TMEM132C: variants seen among roughly 807,000 people sequenced by gnomAD.
TMEM132C encodes the protein protein phosphatase 1, regulatory subunit 152.
In TMEM132C, 29 loss-of-function variants were observed where a neutral mutation model predicts 61.4. That is an observed-to-expected ratio of 0.47 (90% CI 0.35 to 0.64). The LOEUF is 0.64. TMEM132C is among the 30% of genes least tolerant of loss of function. The pLI is 0.00. For missense variants in TMEM132C, 1,408 were observed against 1,476.9 expected (o/e 0.95, Z 0.76); for synonymous variants, 656 against 633.1 (o/e 1.04, Z -0.54).
chr12:128,478,620 G>A (rs758316278), intron 2 of TMEM132C, among the ~76,000 whole-genome samples: 2 of 152,160 alleles, frequency 1.3e-5, no homozygotes, highest in Non-Finnish European at 2.9e-5. Flanking sequence ...CTTTTAAGAT[G>A]ACACCTGTCC....
intron 3 of TMEM132C, among the ~76,000 whole-genome samples, chr12:128,575,760 G>T (rs1016944748): frequency 7.2e-5 from 11 of 152,202 alleles, no homozygotes; most frequent in African/African-American, 2.4e-4. Context: ...TTGTAAAATA[G>T]GTCAAGGACG....
intron 4 of TMEM132C, among the ~76,000 whole-genome samples, chr12:128,645,871 TGA>T (rs1258199038): frequency 8.6e-5 from 13 of 151,438 alleles, no homozygotes; most frequent in Non-Finnish European, 1.6e-4. Context: ...GTGCTGGATG[TGA>T]GTGTGTTTAC....
At chr12:128,505,648 C>T (rs1471918282) in intron 2 of TMEM132C, among the ~76,000 whole-genome samples, 3 of 152,192 alleles carry the variant, frequency 2.0e-5, no homozygotes, top group African/African-American at 7.2e-5. Context: ...CCTCAATAGC[C>T]ATTGCCCATT....
chr12:128,664,050 GGGCACTCACA>G (rs1179669628), intron 4 of TMEM132C, among the ~76,000 whole-genome samples: 1 of 50,472 alleles, frequency 2.0e-5, no homozygotes, highest in Non-Finnish European at 3.9e-5. Flanking sequence ...GCACGCACGC[GGGCACTCACA>G]GGCACACACA....
At chr12:128,675,101 C>T (rs1954570782) in intron 5 of TMEM132C, among the ~76,000 whole-genome samples, 2 of 152,024 alleles carry the variant, frequency 1.3e-5, no homozygotes, top group Admixed American at 1.3e-4. Context: ...TCATTCTTTC[C>T]TTCTTTGTTT....
chr12:128,460,779 C>T (rs1870505985), intron 2 of TMEM132C, among the ~76,000 whole-genome samples: 1 of 152,246 alleles, frequency 6.6e-6, no homozygotes, highest in East Asian at 1.9e-4. Flanking sequence ...CGCAGGACTC[C>T]ACTCTTGGCA....
chr12:128,517,520 C>T (rs114947161), intron 2 of TMEM132C, among the ~76,000 whole-genome samples: 1,965 of 152,066 alleles, frequency 0.013, 41 homozygotes, highest in African/African-American at 0.045. Context: ...TGAAATGCAT[C>T]CAAAAATAAG....
At chr12:128,632,062 A>G (rs1954069290) in intron 4 of TMEM132C, among the ~76,000 whole-genome samples, 1 of 152,160 alleles carries the variant, frequency 6.6e-6, no homozygotes, top group Non-Finnish European at 1.5e-5. Flanking sequence ...GACACCCCAG[A>G]TCTGGCTGCT....
intron 3 of TMEM132C, among the ~76,000 whole-genome samples, chr12:128,600,583 TG>T (rs1208360185): frequency 6.6e-6 from 1 of 152,190 alleles, no homozygotes. Flanking sequence ...CCTTTGCAGC[TG>T]GGCACCACAG....
intron 2 of TMEM132C, among the ~76,000 whole-genome samples, chr12:128,462,293 G>A (rs959054968): frequency 6.6e-6 from 1 of 152,080 alleles, no homozygotes; most frequent in African/African-American, 2.4e-5. Flanking sequence ...TTTTAGTAGA[G>A]ACGGGATTTC....
chr12:128,423,435 AGGATGAAG>A (rs1289327798), intron 2 of TMEM132C, among the ~76,000 whole-genome samples: 1 of 152,244 alleles, frequency 6.6e-6, no homozygotes, highest in Non-Finnish European at 1.5e-5. Context: ...ATAAACAAAC[AGGATGAAG>A]GGTGGACACA....
intron 2 of TMEM132C, among the ~76,000 whole-genome samples, chr12:128,428,157 G>A (rs885186): frequency 0.41 from 62,595 of 152,020 alleles, 13,578 homozygotes; most frequent in South Asian, 0.52. Context: ...TGAGGAAACC[G>A]AAGGCCTGAG....
At chr12:128,447,585 A>G (rs1008456764) in intron 2 of TMEM132C, among the ~76,000 whole-genome samples, 5 of 151,984 alleles carry the variant, frequency 3.3e-5, no homozygotes, top group African/African-American at 9.7e-5. Flanking sequence ...AAATACTCCC[A>G]CTATGATTAA....
chr12:128,494,631 G>A (rs1272085853), intron 2 of TMEM132C, among the ~76,000 whole-genome samples: 2 of 152,154 alleles, frequency 1.3e-5, no homozygotes, highest in Non-Finnish European at 2.9e-5. Context: ...TAGTTTATTT[G>A]TGTGGAGCTA....
At chr12:128,626,157 C>T (rs545535143) in intron 4 of TMEM132C, among the ~76,000 whole-genome samples, 9 of 149,958 alleles carry the variant, frequency 6.0e-5, no homozygotes, top group South Asian at 2.1e-4. Context: ...GACAGAGTCT[C>T]GCTCTGTTAC....
intron 3 of TMEM132C, among the ~76,000 whole-genome samples, chr12:128,558,660 C>T (rs950854835): frequency 6.6e-6 from 1 of 152,248 alleles, no homozygotes; most frequent in Non-Finnish European, 1.5e-5. Context: ...GACTTTGATC[C>T]ACTCCAAATT....
chr12:128,392,922 C>A (rs892195912), intron 1 of TMEM132C, among the ~76,000 whole-genome samples: 3 of 152,184 alleles, frequency 2.0e-5, no homozygotes, highest in Admixed American at 6.5e-5. Context: ...TTGATTGATA[C>A]GTTTCTCTAG....
chr12:128,318,646 A>AT (rs1046325712), intron 1 of TMEM132C, among the ~76,000 whole-genome samples: 1 of 152,154 alleles, frequency 6.6e-6, no homozygotes, highest in African/African-American at 2.4e-5. Context: ...ATTGCATGCC[A>AT]TTTTTTACTA....
chr12:128,405,440 G>A (rs978012991), intron 1 of TMEM132C, among the ~76,000 whole-genome samples: 34 of 152,116 alleles, frequency 2.2e-4, no homozygotes, highest in Admixed American at 1.9e-3. Context: ...TGGACATGGC[G>A]CAAAATCGCC....
Sources: gnomAD v4.1 joint callset for allele counts (sites outside exome capture counted in the v4.1 genomes callset) on GRCh38, gnomAD v4.1.1 for gene constraint, MANE v1.5 for transcripts, NCBI Gene and HGNC (gene_info 2026-07-23, HGNC 2026-07-21) for gene names.